LINGO2: variants seen among roughly 807,000 people sequenced by gnomAD.
LINGO2 encodes the protein leucine-rich repeat and immunoglobulin-like domain-containing nogo receptor-interacting protein 2.
A neutral mutation model predicts 30.6 loss-of-function variants in LINGO2; 14 were observed. That is an observed-to-expected ratio of 0.46 (90% CI 0.30 to 0.72). The LOEUF (loss-of-function observed/expected upper bound fraction) is 0.72. Among genes scored for constraint, LINGO2 ranks in the 30% least tolerant of loss-of-function variants. The pLI is 0.07. For synonymous variants in LINGO2, 317 were observed against 288.5 expected (o/e 1.10, Z -1.00); for missense variants, 729 against 751.7 (o/e 0.97, Z 0.35).
intron 4 of LINGO2, among the ~76,000 whole-genome samples, chr9:28,257,299 C>T (rs911276340): frequency 4.6e-5 from 7 of 151,556 alleles, no homozygotes; most frequent in Admixed American, 2.0e-4. Flanking sequence ...TTTTTTTAAC[C>T]TACCATTTTG....
At chr9:28,498,855 T>C (rs1039841854) in intron 1 of LINGO2, among the ~76,000 whole-genome samples, 2 of 152,116 alleles carry the variant, frequency 1.3e-5, no homozygotes, top group South Asian at 2.1e-4. Flanking sequence ...ATGAAAGATA[T>C]AAGACCATAA....
At chr9:29,028,427 G>GGGA in the LINGO2 span, among the ~76,000 whole-genome samples, 3 of 123,874 alleles carry the variant, frequency 2.4e-5, no homozygotes, top group African/African-American at 3.4e-5. Context: ...TGTGGGGGGG[G>GGGA]GTGAGAGAGA....
the LINGO2 span, among the ~76,000 whole-genome samples, chr9:28,760,856 G>C: frequency 6.6e-6 from 1 of 150,918 alleles, no homozygotes; most frequent in African/African-American, 2.4e-5. Context: ...TGGCTGTGTA[G>C]TATTCCATCA....
At chr9:28,233,920 G>A (rs1372581575) in intron 4 of LINGO2, among the ~76,000 whole-genome samples, 2 of 152,178 alleles carry the variant, frequency 1.3e-5, no homozygotes, top group East Asian at 3.9e-4. Context: ...CTTGGGCCCT[G>A]AATAACCAGC....
intron 4 of LINGO2, among the ~76,000 whole-genome samples, chr9:28,064,025 A>T (rs181782726): frequency 4.9e-4 from 75 of 152,300 alleles, no homozygotes; most frequent in Non-Finnish European, 9.0e-4. Flanking sequence ...AAAAAATAGC[A>T]TAAGACCAAA....
chr9:28,872,572 G>C, the LINGO2 span, among the ~76,000 whole-genome samples: 1 of 152,110 alleles, frequency 6.6e-6, no homozygotes, highest in African/African-American at 2.4e-5. Flanking sequence ...ATGGCAAAAA[G>C]ATTCCATCAA....
the LINGO2 span, among the ~76,000 whole-genome samples, chr9:28,896,412 A>C: frequency 6.1e-4 from 93 of 152,258 alleles, 1 homozygote; most frequent in South Asian, 0.016. Flanking sequence ...TATGAATTTT[A>C]TCATACGTAT....
chr9:28,949,907 TA>T, the LINGO2 span, among the ~76,000 whole-genome samples: 4 of 152,060 alleles, frequency 2.6e-5, no homozygotes, highest in African/African-American at 9.7e-5. Context: ...TGCAGCACAT[TA>T]AAAAGTTTAT....
intron 4 of LINGO2, among the ~76,000 whole-genome samples, chr9:28,031,240 G>C (rs1178839509): frequency 2.6e-5 from 4 of 151,890 alleles, no homozygotes; most frequent in Non-Finnish European, 5.9e-5. Context: ...TGGTGGGCTT[G>C]TGTTAGCTTT....
At chr9:28,003,353 A>G (rs1315032180) in intron 5 of LINGO2, among the ~76,000 whole-genome samples, 1 of 123,982 alleles carries the variant, frequency 8.1e-6, no homozygotes, top group Non-Finnish European at 1.6e-5. Flanking sequence ...ATAGATAGAT[A>G]GATAGATAGA....
the LINGO2 span, among the ~76,000 whole-genome samples, chr9:29,199,233 T>C: frequency 6.6e-6 from 1 of 152,132 alleles, no homozygotes; most frequent in Non-Finnish European, 1.5e-5. Flanking sequence ...ATTTTTCATT[T>C]TTGTTCAAAA....
chr9:28,673,953 GAAAAAATAAAA>G (rs1199956472), upstream of LINGO2, among the ~76,000 whole-genome samples: 1 of 148,704 alleles, frequency 6.7e-6, no homozygotes, highest in Non-Finnish European at 1.5e-5. Flanking sequence ...ATGTGTAAAA[GAAAAAATAAAA>G]AAAAAATCCA....
At chr9:28,297,710 TTG>T (rs920883693) in intron 3 of LINGO2, among the ~76,000 whole-genome samples, 2 of 152,198 alleles carry the variant, frequency 1.3e-5, no homozygotes, top group Non-Finnish European at 2.9e-5. Context: ...TGTGATAGCT[TTG>T]TGTCACTCTT....
At chr9:28,708,924 T>A in the LINGO2 span, among the ~76,000 whole-genome samples, 1 of 152,148 alleles carries the variant, frequency 6.6e-6, no homozygotes, top group Non-Finnish European at 1.5e-5. Flanking sequence ...CTTGTTCAGA[T>A]GCAACCAACA....
intron 1 of LINGO2, among the ~76,000 whole-genome samples, chr9:28,609,625 T>C (rs1219684832): frequency 6.6e-6 from 1 of 152,116 alleles, no homozygotes; most frequent in Non-Finnish European, 1.5e-5. Context: ...AATGTCTTAC[T>C]TCATTTTGAG....
chr9:28,190,808 C>A (rs1480123911), intron 4 of LINGO2, among the ~76,000 whole-genome samples: 1 of 152,120 alleles, frequency 6.6e-6, no homozygotes. Flanking sequence ...AAGGTCAAGC[C>A]ACTAGTCCAA....
intron 2 of LINGO2, among the ~76,000 whole-genome samples, chr9:28,373,338 C>T (rs780715584): frequency 7.9e-5 from 12 of 152,242 alleles, no homozygotes; most frequent in East Asian, 3.9e-4. Flanking sequence ...CAGGCTTTTG[C>T]GTCTTCTCTC....
At chr9:28,615,855 A>C (rs1212375823) in intron 1 of LINGO2, among the ~76,000 whole-genome samples, 5 of 152,198 alleles carry the variant, frequency 3.3e-5, no homozygotes, top group Non-Finnish European at 7.4e-5. Flanking sequence ...CTATTATGTC[A>C]TTAAACAGCA....
At chr9:28,232,203 A>G (rs193031213) in intron 4 of LINGO2, among the ~76,000 whole-genome samples, 88 of 152,194 alleles carry the variant, frequency 5.8e-4, no homozygotes, top group Middle Eastern at 3.4e-3. Context: ...GTTCGAGACC[A>G]GTCTGGCCAT....
Sources: gnomAD v4.1 joint callset for allele counts (sites outside exome capture counted in the v4.1 genomes callset) on GRCh38, gnomAD v4.1.1 for gene constraint, MANE v1.5 for transcripts, NCBI Gene and HGNC (gene_info 2026-07-23, HGNC 2026-07-21) for gene names.